Variants in IMMP2L observed in about 807,000 individuals in gnomAD.
IMMP2L encodes the protein inner mitochondrial membrane peptidase subunit 2.
Under a neutral mutation model 19.3 loss-of-function variants are expected in IMMP2L, and 18 were observed. The ratio of observed to expected loss-of-function variants is 0.93; its 90% confidence interval spans 0.64 to 1.38. The LOEUF (loss-of-function observed/expected upper bound fraction) is 1.38, where lower values mean the gene tolerates loss of function less well. Among genes scored for constraint, IMMP2L ranks in the 40% most tolerant of loss-of-function variants. IMMP2L has a pLI of 0.00. For missense variants in IMMP2L, 233 were observed against 218.2 expected (o/e 1.07, Z -0.43); for synonymous variants, 76 against 73.0 (o/e 1.04, Z -0.21).
intron 3 of IMMP2L, among the ~76,000 whole-genome samples, chr7:111,398,017 C>G (rs1238573124): frequency 6.6e-6 from 1 of 151,892 alleles, no homozygotes; most frequent in Non-Finnish European, 1.5e-5. Flanking sequence ...TATATTTAAC[C>G]CATCTGAAAT....
chr7:110,886,689 T>A lies in IMMP2L; in HGVS notation c.312A>T (p.Ile104=), dbSNP rs1179316541. Reference sequence around the variant, plus strand: ...CTTTGACATACCGGTTTTTGTGTCCTATGGTTCTGGAAATAAACAGTGTAA... The same window carrying A: ...CTTTGACATACCGGTTTTTGTGTCCAATGGTTCTGGAAATAAACAGTGTAA... ...IALEGDIVRT[I]GHKNRYVKVP... The change falls in exon 5 of 6, where the codon ATA becomes ATT. Residue 104 remains isoleucine (I), a synonymous_variant. Coordinates refer to ENST00000405709, the MANE Select transcript of IMMP2L (RefSeq NM_032549.4). 6.4e-7 allele frequency: 1 copy of A among 1,559,560 alleles called. No homozygotes were observed. Among genetic ancestry groups the A allele is most frequent in the East Asian group, 2.2e-5 (1 of 44,538 alleles).
chr7:111,458,965 C>G (rs1693950029), intron 3 of IMMP2L, among the ~76,000 whole-genome samples: 1 of 152,034 alleles, frequency 6.6e-6, no homozygotes, highest in Non-Finnish European at 1.5e-5. Flanking sequence ...CTATGTAATC[C>G]TAACAATCTA....
At chr7:111,214,328 CTTCTTTTT>C (rs1811662191) in intron 3 of IMMP2L, among the ~76,000 whole-genome samples, 1 of 85,110 alleles carries the variant, frequency 1.2e-5, no homozygotes, top group Non-Finnish European at 2.3e-5. Flanking sequence ...AGTAATTTTT[CTTCTTTTT>C]TTTTTTTTTT....
At chr7:111,178,222 T>G (rs1165179542) in intron 3 of IMMP2L, among the ~76,000 whole-genome samples, 3 of 152,092 alleles carry the variant, frequency 2.0e-5, no homozygotes. Context: ...AAAAGTTATG[T>G]TTACACTATA....
chr7:111,176,837 A>G (rs1807118655), intron 3 of IMMP2L, among the ~76,000 whole-genome samples: 1 of 152,062 alleles, frequency 6.6e-6, no homozygotes, highest in South Asian at 2.1e-4. Context: ...GGACTCTCTT[A>G]TTACCTATAG....
intron 3 of IMMP2L, among the ~76,000 whole-genome samples, chr7:111,292,141 CCT>C (rs1397861895): frequency 1.3e-5 from 2 of 152,148 alleles, no homozygotes; most frequent in African/African-American, 2.4e-5. Context: ...CCACTCATGG[CCT>C]CTGTGTCTAT....
chr7:111,291,938 A>T (rs73422079), intron 3 of IMMP2L, among the ~76,000 whole-genome samples: 3,632 of 152,222 alleles, frequency 0.024, 146 homozygotes, highest in African/African-American at 0.083. Flanking sequence ...GAATCTCCAC[A>T]AGCTTCCAAG....
At chr7:111,202,061 T>A (rs1810199164) in intron 3 of IMMP2L, among the ~76,000 whole-genome samples, 2 of 152,198 alleles carry the variant, frequency 1.3e-5, no homozygotes, top group African/African-American at 2.4e-5. Flanking sequence ...AGCCCATCTT[T>A]TGAAAAGTAG....
intron 3 of IMMP2L, among the ~76,000 whole-genome samples, chr7:111,214,646 C>A (rs28402113): frequency 1.4e-3 from 211 of 145,884 alleles, no homozygotes; most frequent in African/African-American, 5.0e-3. Flanking sequence ...AGCCACCATG[C>A]CTGGCCAATT....
At chr7:111,458,846 T>C (rs1839900514) in intron 3 of IMMP2L, among the ~76,000 whole-genome samples, 1 of 152,212 alleles carries the variant, frequency 6.6e-6, no homozygotes, top group African/African-American at 2.4e-5. Flanking sequence ...CTTCAGGATA[T>C]GTCTCCTTGA....
At chr7:111,259,670 A>G (rs1345142639) in intron 3 of IMMP2L, among the ~76,000 whole-genome samples, 2 of 151,866 alleles carry the variant, frequency 1.3e-5, no homozygotes, top group African/African-American at 4.8e-5. Context: ...TAATAATAAT[A>G]ATAAATTAAG....
intron 3 of IMMP2L, among the ~76,000 whole-genome samples, chr7:111,027,528 G>A (rs1826971343): frequency 6.6e-6 from 1 of 151,830 alleles, no homozygotes; most frequent in Admixed American, 6.6e-5. Flanking sequence ...TGAAACTGCA[G>A]ACCATTTTCT....
intron 4 of IMMP2L, among the ~76,000 whole-genome samples, chr7:110,919,405 T>C (rs1427846804): frequency 6.6e-6 from 1 of 152,030 alleles, no homozygotes; most frequent in African/African-American, 2.4e-5. Flanking sequence ...AAATGAAACT[T>C]AGAAAGAGCA....
chr7:110,910,302 CTT>C (rs1812918311), intron 4 of IMMP2L, among the ~76,000 whole-genome samples: 1 of 152,154 alleles, frequency 6.6e-6, no homozygotes, highest in African/African-American at 2.4e-5. Flanking sequence ...TTTTTCCTCT[CTT>C]GATAGCTGAG....
Position 110,760,223 on chromosome 7 carries a change from C to T in IMMP2L, c.409-96502G>A, listed in dbSNP as rs1463485813. On this transcript the variant is annotated intron_variant, in intron 5 of 5. Transcript: ENST00000405709. This position sits in a 1 kb window ranked among gnomAD's most constrained non-coding sequence, Gnocchi z 4.2. The stretch of plus-strand genomic sequence containing the variant: ...TCCAGGCCTAAGATAGTATCATTCC[C>T]TTTCTATTAGTGTTTATCTGCATCT... Among the ~76,000 whole-genome samples, 3 of 152,080 alleles carry T rather than the reference C, an allele frequency of 2.0e-5. No individual in the cohort carries two copies. The highest frequency in any genetic ancestry group is 4.4e-5 in the Non-Finnish European group (3 of 68,024).
chr7:111,500,391 C>T (rs1335446778), intron 2 of IMMP2L, among the ~76,000 whole-genome samples: 1 of 152,162 alleles, frequency 6.6e-6, no homozygotes, highest in Non-Finnish European at 1.5e-5. Flanking sequence ...AGGGCACAGA[C>T]AAACAAAAAG....
At chr7:110,750,010 TA>T (rs1339784808) in intron 5 of IMMP2L, among the ~76,000 whole-genome samples, 1 of 152,106 alleles carries the variant, frequency 6.6e-6, no homozygotes, top group Admixed American at 6.6e-5. Flanking sequence ...CTGCCAGGAC[TA>T]AACTCTAACA....
At chr7:111,012,526 G>A (rs1264497419) in intron 3 of IMMP2L, among the ~76,000 whole-genome samples, 1 of 151,988 alleles carries the variant, frequency 6.6e-6, no homozygotes, top group Admixed American at 6.6e-5. Context: ...TAACATAGGG[G>A]CAAATGAAAC....
At chr7:111,527,421 A>AGG (rs1248452856) in intron 1 of IMMP2L, among the ~76,000 whole-genome samples, 1 of 85,146 alleles carries the variant, frequency 1.2e-5, no homozygotes. Flanking sequence ...TGTCTCCAAA[A>AGG]AGGGGGGGGG....
Sources: gnomAD v4.1 joint callset for allele counts (sites outside exome capture counted in the v4.1 genomes callset) on GRCh38, gnomAD v4.1.1 for gene constraint, Gnocchi (gnomAD v3.1) non-coding constraint, MANE v1.5 for transcripts, NCBI Gene and HGNC (gene_info 2026-07-23, HGNC 2026-07-21) for gene names.